The following KDM4B variants were observed in gnomAD, a reference collection of about 807,000 sequenced individuals.
KDM4B encodes the protein lysine-specific demethylase 4B.
In KDM4B, 32 loss-of-function variants were observed where a neutral mutation model predicts 125.2. The observed-to-expected ratio is 0.26, with a 90% CI of 0.19 to 0.34. KDM4B has a LOEUF of 0.34. Ranked by LOEUF, KDM4B falls within the 10% of genes least tolerant of loss-of-function variation. The probability of loss-of-function intolerance (pLI) is 1.00; values close to 1 mark genes in which losing one functional copy is unlikely to be tolerated. For synonymous variants in KDM4B, 721 were observed against 677.9 expected (o/e 1.06, Z -0.99); for missense variants, 1,190 against 1,577.7 (o/e 0.75, Z 4.16).
At chr19:5,113,665 A>G (rs1461205127) in intron 10 of KDM4B, among the ~76,000 whole-genome samples, 8 of 152,148 alleles carry the variant, frequency 5.3e-5, no homozygotes, top group African/African-American at 1.9e-4. Context: ...TGGGCCCTGC[A>G]GGGTAATGAG....
chr19:5,046,343 C>T (rs1437739718), intron 5 of KDM4B, among the ~76,000 whole-genome samples: 1 of 152,258 alleles, frequency 6.6e-6, no homozygotes. Context: ...TTGCGCCCAG[C>T]TCAGCCTGTG....
At chr19:5,044,932 T>C (rs1247644975) in intron 5 of KDM4B, among the ~76,000 whole-genome samples, 1 of 152,178 alleles carries the variant, frequency 6.6e-6, no homozygotes, top group Non-Finnish European at 1.5e-5. Context: ...TGAGAGCTCA[T>C]TTCTTTTCAG....
At chr19:5,148,010 G>C (rs1310878713) in intron 21 of KDM4B, among the ~76,000 whole-genome samples, 1 of 152,146 alleles carries the variant, frequency 6.6e-6, no homozygotes, top group African/African-American at 2.4e-5. Flanking sequence ...TGACAGCGAG[G>C]CCGAGTGGCT....
At chr19:5,124,041 G>A (rs1463115754) in intron 11 of KDM4B, among the ~76,000 whole-genome samples, 2 of 152,148 alleles carry the variant, frequency 1.3e-5, no homozygotes, top group Non-Finnish European at 2.9e-5. Flanking sequence ...GGCTGCGTGG[G>A]CCACCTTGAG....
At chr19:5,061,417 A>G (rs768244609) in intron 6 of KDM4B, among the ~76,000 whole-genome samples, 1 of 152,196 alleles carries the variant, frequency 6.6e-6, no homozygotes, top group Non-Finnish European at 1.5e-5. Context: ...GCAGCTCAAT[A>G]AGGCTGTTTC....
intron 2 of KDM4B, among the ~76,000 whole-genome samples, chr19:5,018,563 C>T (rs1335846694): frequency 6.6e-6 from 1 of 152,160 alleles, no homozygotes; most frequent in Non-Finnish European, 1.5e-5. Flanking sequence ...TAAAAGTTAA[C>T]TTTTACTGAG....
intron 1 of KDM4B, among the ~76,000 whole-genome samples, chr19:4,988,135 T>C (rs1029958995): frequency 5.7e-4 from 87 of 152,330 alleles, no homozygotes; most frequent in African/African-American, 1.9e-3. Context: ...AGTTCACTCC[T>C]ACCTGGGGGC....
Position 5,151,473 on chromosome 19 carries a change from C to G in KDM4B, c.3253C>G (p.Leu1085Val). The G allele has an allele frequency of 2.7e-6, 4 of 1,507,112 alleles. No individual in the cohort carries two copies. Among genetic ancestry groups the G allele is most frequent in the Non-Finnish European group, 3.5e-6 (4 of 1,127,452 alleles). 93.4% of individuals were successfully genotyped at this position (1,507,112 alleles called of 1,614,324 possible). Residue 1085 changes from leucine to valine, a missense_variant, in exon 23 of 23, where the codon CTC (leucine) becomes GTC (valine). Coordinates refer to ENST00000159111, the MANE Select transcript of KDM4B (RefSeq NM_015015.3). ...GGACTACGTGGCCTTCGTGGAGAGCCTCCTGCAGGTGCAGGGCCGGCCCGG... is the reference window on the plus strand; with the variant it reads ...GGACTACGTGGCCTTCGTGGAGAGCGTCCTGCAGGTGCAGGGCCGGCCCGG... ...SQDYVAFVES[L>V]LQVQGRPGAP...
At chr19:5,143,248 A>G (rs2039776774) in intron 18 of KDM4B, among the ~76,000 whole-genome samples, 1 of 151,648 alleles carries the variant, frequency 6.6e-6, no homozygotes, top group African/African-American at 2.4e-5. Flanking sequence ...GCTTGAGCCC[A>G]GGAGTTGGAG....
intron 1 of KDM4B, among the ~76,000 whole-genome samples, chr19:5,001,831 C>T (rs1323092863): frequency 6.6e-6 from 1 of 152,108 alleles, no homozygotes; most frequent in African/African-American, 2.4e-5. Context: ...TGGTGATGAA[C>T]ATCTTGTTGT....
intron 1 of KDM4B, among the ~76,000 whole-genome samples, chr19:5,005,737 A>G (rs1460128948): frequency 6.6e-6 from 1 of 152,114 alleles, no homozygotes. Flanking sequence ...TCCCTCTAAG[A>G]TCGCTCTTAG....
Position 5,135,660 on chromosome 19 carries a change from C to T in KDM4B, c.2308+99C>T, listed in dbSNP as rs139222126. 54 of 1,013,634 alleles carry T rather than the reference C, an allele frequency of 5.3e-5. No individual in the cohort carries two copies. In the Admixed American group the frequency reaches 9.2e-4, roughly 17 times the overall value. The allele number at this position is 1,013,634 out of a possible 1,614,324, so 62.8% of individuals were successfully genotyped here. ...CATCCTCCCCTGCGGAGGGCCACAC[C>T]GGCCCCTCTCCCCAGGCTGCACTTT... On this transcript the variant is annotated intron_variant, in intron 15 of 22. Transcript: ENST00000159111.
chr19:5,084,527 A>C (rs1240568732), intron 9 of KDM4B, among the ~76,000 whole-genome samples: 1 of 56,844 alleles, frequency 1.8e-5, no homozygotes, highest in Non-Finnish European at 3.2e-5. Flanking sequence ...TAAATTATAT[A>C]TGTTATTTAT....
Position 5,144,148 on chromosome 19 carries a change from A to C in KDM4B, c.2732A>C (p.His911Pro). 6.3e-7 allele frequency: 1 copy of C among 1,595,400 alleles called. No individual in the cohort carries two copies. The change falls in exon 19 of 23, where the codon CAC (histidine) becomes CCC (proline). Residue 911 changes from histidine (H) to proline (P), a missense_variant. His to Pro is a moderately conservative substitution (Grantham distance 77, BLOSUM62 -2). Coordinates refer to ENST00000159111, the MANE Select transcript of KDM4B (RefSeq NM_015015.3). ...TGCCTCAAGCACAAGTCGGGGGGTC[A>C]CGCTGTGAGTGCCTGCCCGCCTCCT... is the stretch of plus-strand genomic sequence containing the variant. ...ITCLKHKSGG[H>P]AVQLLRAVSL... is the part of the protein sequence containing the mutation.
At chr19:5,015,876 G>C (rs1451201865) in intron 1 of KDM4B, among the ~76,000 whole-genome samples, 1 of 152,162 alleles carries the variant, frequency 6.6e-6, no homozygotes, top group Non-Finnish European at 1.5e-5. Flanking sequence ...GGTGTTGGGA[G>C]GTGGGGGAAA....
At chr19:4,985,347 C>G (rs2034790661) in intron 1 of KDM4B, among the ~76,000 whole-genome samples, 1 of 152,122 alleles carries the variant, frequency 6.6e-6, no homozygotes, top group Non-Finnish European at 1.5e-5. Context: ...TCAGCAATGA[C>G]AGTGAAGTGG....
Position 5,131,368 on chromosome 19 carries a change from C to T in KDM4B, c.1608C>T (p.Gly536=), listed in dbSNP as rs1211955366. ...IPMLYVVPRP[G]KAAFNQEHVS... is the part of the protein sequence containing the mutation. ...TGCTGTACGTGGTGCCGCGGCCGGGCAAGGCAGCCTTCAACCAGGAGCACG... is the reference window on the plus strand; with the variant it reads ...TGCTGTACGTGGTGCCGCGGCCGGGTAAGGCAGCCTTCAACCAGGAGCACG... Residue 536 remains glycine (G), a synonymous_variant, in exon 12 of 23, where the codon GGC becomes GGT. Coordinates refer to ENST00000159111, the MANE Select transcript of KDM4B (RefSeq NM_015015.3). 5.0e-6 allele frequency: 8 copies of T among 1,611,828 alleles called. No individual in the cohort carries two copies. Among genetic ancestry groups the T allele is most frequent in the Non-Finnish European group, 6.8e-6 (8 of 1,179,774 alleles).
At position 5,150,471 on chromosome 19, in the gene KDM4B, TGGTGGCTCCG is replaced by T. The variant is rs1599284360; in HGVS notation, c.3114+26_3114+35del. 2.0e-6 allele frequency: 3 copies of T among 1,536,204 alleles called. No individual in the cohort carries two copies. In the East Asian group the frequency reaches 7.4e-5, roughly 38 times the overall value. On this transcript the variant is annotated intron_variant, in intron 22 of 22. Transcript: ENST00000159111. ...GGCTGGTGAGTGCGCGAGGCTGGCC[TGGTGGCTCCG>T]GGTGACTCAGGGAGCCCGTCTGGGA...
chr19:5,071,341 C>T (rs1460607044), intron 7 of KDM4B, among the ~76,000 whole-genome samples: 1 of 152,220 alleles, frequency 6.6e-6, no homozygotes, highest in Non-Finnish European at 1.5e-5. Context: ...CTTCTTGGGC[C>T]TGGTCAAAGG....
Sources: allele counts gnomAD v4.1 joint callset (sites outside exome capture counted in the v4.1 genomes callset), GRCh38; gene constraint gnomAD v4.1.1; transcripts MANE v1.5; gene names NCBI Gene and HGNC (gene_info 2026-07-23, HGNC 2026-07-21).